Variants in NOX4 observed in about 807,000 individuals in gnomAD.
The protein encoded by NOX4 is NADPH oxidase 4, also known as kidney oxidase-1.
NOX4 carries 69 observed loss-of-function variants against 87.6 expected under a neutral mutation model. That is an observed-to-expected ratio of 0.79 (90% CI 0.65 to 0.96). NOX4 has a LOEUF of 0.96. NOX4 is among the 40% of genes least tolerant of loss of function. The pLI is 0.00. For synonymous variants in NOX4, 275 were observed against 238.2 expected (o/e 1.15, Z -1.42); for missense variants, 680 against 681.5 (o/e 1.00, Z 0.02).
chr11:89,570,488 C>G, the NOX4 span, among the ~76,000 whole-genome samples: 1 of 152,006 alleles, frequency 6.6e-6, no homozygotes, highest in Non-Finnish European at 1.5e-5. Context: ...ATGTACCCCT[C>G]GAACCTAAAA....
At chr11:89,343,998 G>C (rs1375927336) in intron 13 of NOX4, among the ~76,000 whole-genome samples, 2 of 151,548 alleles carry the variant, frequency 1.3e-5, no homozygotes, top group Non-Finnish European at 1.5e-5. Flanking sequence ...CTTTTATTAA[G>C]GTTAATGAGT....
In NOX4 at chr11:89,483,601, G is replaced by C. The variant is rs375347785; in HGVS notation, c.153+6857C>G. On this transcript the variant is annotated intron_variant, in intron 2 of 17. Transcript: ENST00000263317. ...GTAGAATGGTAGTTACCAGGTGCTG[G>C]TGGGGGTGGGAGGGGGTTGGGTAGC... 2.3e-4 allele frequency among the ~76,000 whole-genome samples: 35 copies of C among 151,174 alleles called. No individual in the cohort carries two copies. In the South Asian group the frequency reaches 4.4e-3, roughly 19 times the overall value.
chr11:89,361,834 C>T (rs1402146559), intron 12 of NOX4, among the ~76,000 whole-genome samples: 2 of 151,818 alleles, frequency 1.3e-5, no homozygotes, highest in Non-Finnish European at 2.9e-5. Context: ...GAGAAGTATC[C>T]CCCAAGTGCC....
At chr11:89,513,068 C>T in the NOX4 span, among the ~76,000 whole-genome samples, 285 of 152,168 alleles carry the variant, frequency 1.9e-3, 2 homozygotes, top group African/African-American at 6.3e-3. Flanking sequence ...CTCCTGTAAT[C>T]CCAGCAATTT....
chr11:89,496,779 T>C (rs1946958276), upstream of NOX4, among the ~76,000 whole-genome samples: 2 of 152,300 alleles, frequency 1.3e-5, no homozygotes, highest in Admixed American at 6.5e-5. Flanking sequence ...AGAAGCTCTC[T>C]CTCTCCTCTC....
At chr11:89,377,394 A>C (rs2135078477) in intron 11 of NOX4, among the ~76,000 whole-genome samples, 1 of 152,288 alleles carries the variant, frequency 6.6e-6, no homozygotes, top group East Asian at 1.9e-4. Context: ...CCTAAGTCTA[A>C]GGATAAGAAA....
the NOX4 span, among the ~76,000 whole-genome samples, chr11:89,512,583 G>T: frequency 6.6e-6 from 1 of 151,980 alleles, no homozygotes; most frequent in African/African-American, 2.4e-5. Context: ...GCTTATCCAG[G>T]TTGTCACAAA....
chr11:89,411,055 T>A (rs1942453881), intron 8 of NOX4, among the ~76,000 whole-genome samples: 1 of 152,106 alleles, frequency 6.6e-6, no homozygotes, highest in African/African-American at 2.4e-5. Context: ...GATAGGGCCC[T>A]GGGCAGAGGC....
intron 12 of NOX4, among the ~76,000 whole-genome samples, chr11:89,357,394 T>A (rs1257104420): frequency 6.6e-6 from 1 of 152,162 alleles, no homozygotes; most frequent in Non-Finnish European, 1.5e-5. Flanking sequence ...TTGGCTGATA[T>A]TTGGGCTGAT....
At chr11:89,565,665 A>G in the NOX4 span, among the ~76,000 whole-genome samples, 1 of 152,132 alleles carries the variant, frequency 6.6e-6, no homozygotes, top group Non-Finnish European at 1.5e-5. Flanking sequence ...AGCATGGCAC[A>G]TGTATACATA....
the NOX4 span, among the ~76,000 whole-genome samples, chr11:89,507,695 A>G: frequency 7.2e-3 from 1,089 of 151,928 alleles, 5 homozygotes; most frequent in Non-Finnish European, 0.012. Context: ...CTGCTTCATT[A>G]TGGTTATTTT....
chr11:89,371,152 G>A (rs1208955439), intron 12 of NOX4, among the ~76,000 whole-genome samples: 6 of 151,920 alleles, frequency 3.9e-5, no homozygotes, highest in African/African-American at 1.2e-4. Flanking sequence ...TCCTTCAATA[G>A]TTGTAATCTC....
the NOX4 span, among the ~76,000 whole-genome samples, chr11:89,508,541 A>G: frequency 6.6e-6 from 1 of 152,116 alleles, no homozygotes. Context: ...GAGATAGAAC[A>G]TAATCATGTG....
intron 5 of NOX4, among the ~76,000 whole-genome samples, chr11:89,441,657 T>C (rs1944459662): frequency 6.6e-6 from 1 of 152,076 alleles, no homozygotes; most frequent in Non-Finnish European, 1.5e-5. Flanking sequence ...AAAAATATCA[T>C]ATGGGCTGAA....
At chr11:89,524,389 C>T in the NOX4 span, among the ~76,000 whole-genome samples, 1 of 152,200 alleles carries the variant, frequency 6.6e-6, no homozygotes, top group African/African-American at 2.4e-5. Flanking sequence ...TGAGTACCTT[C>T]TAGGTATAAT....
the NOX4 span, among the ~76,000 whole-genome samples, chr11:89,569,332 G>C: frequency 1.3e-5 from 2 of 152,030 alleles, no homozygotes; most frequent in Non-Finnish European, 2.9e-5. Flanking sequence ...CTAATATCCA[G>C]AATCTATAAG....
intron 12 of NOX4, among the ~76,000 whole-genome samples, chr11:89,358,242 C>T (rs28415554): frequency 1.0e-3 from 152 of 151,544 alleles, no homozygotes; most frequent in African/African-American, 3.5e-3. Flanking sequence ...AAAAATTAGT[C>T]GGGCATAGTG....
chr11:89,427,222 A>C (rs1943471622), intron 7 of NOX4, among the ~76,000 whole-genome samples: 1 of 152,164 alleles, frequency 6.6e-6, no homozygotes, highest in South Asian at 2.1e-4. Flanking sequence ...CCTCATTCGC[A>C]TGTCACCATC....
At chr11:89,581,071 G>A in the NOX4 span, among the ~76,000 whole-genome samples, 1 of 152,204 alleles carries the variant, frequency 6.6e-6, no homozygotes, top group Non-Finnish European at 1.5e-5. Context: ...GTGTCTGAGG[G>A]TTGACAGGTA....
Sources: allele counts gnomAD v4.1 joint callset (sites outside exome capture counted in the v4.1 genomes callset), GRCh38; gene constraint gnomAD v4.1.1; transcripts MANE v1.5; gene names NCBI Gene and HGNC (gene_info 2026-07-23, HGNC 2026-07-21).